Variants in GIT2 observed in about 807,000 individuals in gnomAD.
GIT2 encodes the protein GIT ArfGAP 2.
In GIT2, 32 loss-of-function variants were observed where a neutral mutation model predicts 100.3. That is an observed-to-expected ratio of 0.32 (90% CI 0.24 to 0.43). The LOEUF (loss-of-function observed/expected upper bound fraction) is 0.43. GIT2 is among the 20% of genes least tolerant of loss of function. The pLI is 1.00. For synonymous variants in GIT2, 353 were observed against 364.1 expected (o/e 0.97, Z 0.35); for missense variants, 737 against 975.1 (o/e 0.76, Z 3.25).
chr12:109,994,885 A>C (rs1889054834), intron 1 of GIT2, among the ~76,000 whole-genome samples: 1 of 152,240 alleles, frequency 6.6e-6, no homozygotes, highest in South Asian at 2.1e-4. Context: ...AACTTGGTTT[A>C]GAAAACACTT....
chr12:109,985,747 G>A (rs1887247283), intron 4 of GIT2, among the ~76,000 whole-genome samples: 1 of 152,106 alleles, frequency 6.6e-6, no homozygotes, highest in South Asian at 2.1e-4. Flanking sequence ...AAGCTACTCA[G>A]GAGGCTGAGG....
chr12:109,994,059 G>A (rs1180470214), intron 1 of GIT2, among the ~76,000 whole-genome samples: 2 of 125,506 alleles, frequency 1.6e-5, no homozygotes, highest in Admixed American at 1.8e-4. Context: ...CTGCAGTATA[G>A]TACTGACACT....
At position 109,961,693 on chromosome 12, in the gene GIT2, T is replaced by C; in HGVS notation, c.817-8A>G. On this transcript the variant is annotated splice_polypyrimidine_tract_variant and splice_region_variant and intron_variant, in intron 9 of 19. Coordinates refer to ENST00000355312, the MANE Select transcript of GIT2 (RefSeq NM_057169.5). ...AAACAAATGATTACTTAGCTGAAAA[T>C]AAAAAATATCAGGAACACAAGGGAC... is the stretch of plus-strand genomic sequence containing the variant. The C allele has an allele frequency of 6.5e-7, 1 of 1,531,836 alleles. No individual in the cohort carries two copies. The highest frequency in any genetic ancestry group is 9.0e-7 in the Non-Finnish European group (1 of 1,105,816). 94.9% of individuals were successfully genotyped at this position (1,531,836 alleles called of 1,614,324 possible). A position where few individuals can be genotyped will look rare whatever the true frequency, so the allele number is the denominator to read the frequency against.
chr12:109,985,968 G>C (rs1023452890), intron 4 of GIT2, among the ~76,000 whole-genome samples: 2 of 151,578 alleles, frequency 1.3e-5, no homozygotes, highest in Non-Finnish European at 2.9e-5. Context: ...GGGAGGTTGA[G>C]GGTGCAGTCA....
At chr12:109,986,343 C>A (rs1446043871) in intron 4 of GIT2, among the ~76,000 whole-genome samples, 1 of 152,164 alleles carries the variant, frequency 6.6e-6, no homozygotes, top group Admixed American at 6.5e-5. Flanking sequence ...AAAAGTTAAT[C>A]CACCATGGCT....
chr12:109,938,061 C>T (rs1873535138), intron 18 of GIT2, among the ~76,000 whole-genome samples: 1 of 152,102 alleles, frequency 6.6e-6, no homozygotes, highest in Admixed American at 6.6e-5. Flanking sequence ...TAGCCATGGC[C>T]AGAAGCGAGG....
intron 12 of GIT2, among the ~76,000 whole-genome samples, chr12:109,958,658 A>T (rs1268532269): frequency 1.3e-5 from 2 of 152,242 alleles, no homozygotes; most frequent in Non-Finnish European, 2.9e-5. Context: ...CAAATTCCTG[A>T]ACAGGAAAGA....
intron 7 of GIT2, among the ~76,000 whole-genome samples, chr12:109,970,466 C>A (rs999876070): frequency 6.6e-6 from 1 of 152,186 alleles, no homozygotes; most frequent in African/African-American, 2.4e-5. Flanking sequence ...GCACTCCAGC[C>A]TGGGTGACAG....
chr12:109,988,108 TG>T (rs1049125286), intron 4 of GIT2, among the ~76,000 whole-genome samples: 9 of 152,162 alleles, frequency 5.9e-5, no homozygotes, highest in African/African-American at 2.2e-4. Flanking sequence ...AACTCTGAGA[TG>T]GTTCCTATTT....
chr12:109,976,824 G>C (rs1885195226), intron 7 of GIT2, among the ~76,000 whole-genome samples: 1 of 150,684 alleles, frequency 6.6e-6, no homozygotes, highest in Non-Finnish European at 1.5e-5. Flanking sequence ...CCTGATGTCA[G>C]GTGATCCGCC....
intron 12 of GIT2, 158 bp from the exon 13 acceptor site, chr12:109,953,392 G>A (rs1878465857): frequency 1.5e-6 from 1 of 672,208 alleles, no homozygotes; most frequent in East Asian, 2.6e-5. Context: ...GGCCAAGGAG[G>A]AGAACTGCTT....
At chr12:109,970,992 C>A (rs977272476) in intron 7 of GIT2, among the ~76,000 whole-genome samples, 4 of 152,172 alleles carry the variant, frequency 2.6e-5, no homozygotes, top group African/African-American at 9.6e-5. Context: ...CACCATGCTG[C>A]CCAGGATAGT....
At chr12:109,963,468 A>G (rs973716483) in intron 9 of GIT2, among the ~76,000 whole-genome samples, 1 of 152,260 alleles carries the variant, frequency 6.6e-6, no homozygotes, top group African/African-American at 2.4e-5. Flanking sequence ...TATTTCACTT[A>G]TAACACCTCT....
intron 14 of GIT2, among the ~76,000 whole-genome samples, chr12:109,950,291 G>A (rs557389799): frequency 1.3e-5 from 2 of 152,302 alleles, no homozygotes; most frequent in Non-Finnish European, 2.9e-5. Flanking sequence ...AAAATGATTT[G>A]AAAACCTTAC....
At position 109,983,143 on chromosome 12, in the gene GIT2, A is replaced by G. The variant is rs1463246173; in HGVS notation, c.623+230T>C. ...TACAGCTCAAACATCACTGTGTTAT[A>G]AAGGATCAAGTAAAAGACTGGAAGC... On this transcript the variant is annotated intron_variant, in intron 6 of 19. Coordinates refer to ENST00000355312, the MANE Select transcript of GIT2 (RefSeq NM_057169.5). 1.3e-5 allele frequency: 6 copies of G among 458,776 alleles called. No homozygotes were observed. In the East Asian group the frequency reaches 1.9e-4, roughly 14 times the overall value. 28.4% of individuals were successfully genotyped at this position (458,776 alleles called of 1,614,324 possible).
intron 16 of GIT2, among the ~76,000 whole-genome samples, chr12:109,944,842 G>T (rs61940904): frequency 8.7e-5 from 13 of 149,012 alleles, no homozygotes; most frequent in African/African-American, 2.7e-4. Flanking sequence ...AAAAAAAAAG[G>T]CATGACATTT....
chr12:109,997,066 C>A (rs1004528227), upstream of GIT2, among the ~76,000 whole-genome samples: 15 of 151,790 alleles, frequency 9.9e-5, no homozygotes, highest in African/African-American at 3.6e-4. Flanking sequence ...AAAAATTAGC[C>A]GGGCACAGTG....
rs148266888 is a variant in GIT2 at position 109,947,349 on chromosome 12, G to A, written c.1548C>T (p.Tyr516=). ...SARGSRPMSM[Y]ETGSGQKPYL... ...ATGGTTTCTGACCTGATCCGGTCTC[G>A]TACATGGACATGGGCCTACTGCCCC... Residue 516 remains tyrosine, a synonymous_variant, in exon 15 of 20, where the codon TAC becomes TAT. Coordinates refer to ENST00000355312, the MANE Select transcript of GIT2 (RefSeq NM_057169.5). This position sits in a 1 kb window ranked among gnomAD's most constrained non-coding sequence, Gnocchi z 4.3. 7.0e-4 allele frequency: 1,130 copies of A among 1,614,044 alleles called. 9 individuals are homozygous for A. In the East Asian group the frequency reaches 0.018, roughly 26 times the overall value.
chr12:109,932,116 C>T lies in GIT2; in HGVS notation c.*862G>A, dbSNP rs1177204559. 1 of 152,168 alleles carries T rather than the reference C, an allele frequency of 6.6e-6. No individual in the cohort carries two copies. Among genetic ancestry groups the T allele is most frequent in the Non-Finnish European group, 1.5e-5 (1 of 68,034 alleles). The allele number at this position is 152,168 out of a possible 1,614,324, so 9.4% of individuals were successfully genotyped here. A position where few individuals can be genotyped will look rare whatever the true frequency, so the allele number is the denominator to read the frequency against. ...TTCCCTATAGTTCATGGTAGTGATA[C>T]CTAAATGGGTGGCACAAAATGAGTT... On this transcript the variant is annotated 3_prime_UTR_variant, in exon 20 of 20. Transcript: ENST00000355312.
Sources: gnomAD v4.1 joint callset for allele counts (sites outside exome capture counted in the v4.1 genomes callset) on GRCh38, gnomAD v4.1.1 for gene constraint, Gnocchi (gnomAD v3.1) non-coding constraint, MANE v1.5 for transcripts, NCBI Gene and HGNC (gene_info 2026-07-23, HGNC 2026-07-21) for gene names.